Variants in ARHGAP15 observed in about 807,000 individuals in gnomAD.
The protein encoded by ARHGAP15 is rho GTPase-activating protein 15.
A neutral mutation model predicts 63.7 loss-of-function variants in ARHGAP15; 51 were observed. That is an observed-to-expected ratio of 0.80 (90% confidence interval 0.64 to 1.01). ARHGAP15 has a LOEUF of 1.01. ARHGAP15 is among the 50% of genes least tolerant of loss of function. The probability of loss-of-function intolerance (pLI) is 0.00; values close to 1 mark genes in which losing one functional copy is unlikely to be tolerated. For synonymous variants in ARHGAP15, 191 were observed against 193.8 expected (o/e 0.99, Z 0.12); for missense variants, 560 against 564.6 (o/e 0.99, Z 0.08).
At chr2:143,703,702 C>A in intron 13 of ARHGAP15, 178 bp downstream of exon 13, 1 of 499,742 alleles carries the variant, frequency 2.0e-6, no homozygotes, top group Admixed American at 4.0e-5. Context: ...GAAGGACAAT[C>A]TACAAAAGGA....
At position 143,198,891 on chromosome 2, in the gene ARHGAP15, A is replaced by G. The variant is rs571558949; in HGVS notation, c.166-3243A>G. ...TTTCCAGGAGAATTACTTTTGTCCT[A>G]AGAATGGGAATCTAGTTGGGTTTTA... On this transcript the variant is annotated intron_variant, in intron 2 of 13. Coordinates refer to ENST00000295095, the MANE Select transcript of ARHGAP15 (RefSeq NM_018460.4). Among the ~76,000 whole-genome samples, 5 of 152,280 alleles carry G rather than the reference A, an allele frequency of 3.3e-5. No homozygotes were observed. The South Asian group carries it at 8.3e-4, about 25-fold the overall frequency.
chr2:143,693,734 T>C (rs913283394), intron 12 of ARHGAP15, among the ~76,000 whole-genome samples: 2 of 152,230 alleles, frequency 1.3e-5, no homozygotes, highest in Non-Finnish European at 2.9e-5. Context: ...TAGTTAGGGA[T>C]AGAATCCAAG....
At chr2:143,468,680 G>GTGTC (rs1426953669) in intron 8 of ARHGAP15, among the ~76,000 whole-genome samples, 3 of 151,726 alleles carry the variant, frequency 2.0e-5, no homozygotes, top group African/African-American at 7.3e-5. Flanking sequence ...GTGTGTGTGT[G>GTGTC]TGTGTGTTGT....
At chr2:143,217,675 C>T (rs1314322075) in intron 4 of ARHGAP15, among the ~76,000 whole-genome samples, 1 of 152,154 alleles carries the variant, frequency 6.6e-6, no homozygotes, top group Non-Finnish European at 1.5e-5. Context: ...GAGTGCTCTC[C>T]TTTCCCCTAA....
intron 6 of ARHGAP15, among the ~76,000 whole-genome samples, chr2:143,336,899 G>A (rs963968950): frequency 1.3e-5 from 2 of 152,118 alleles, no homozygotes. Flanking sequence ...CCCTAGGCTG[G>A]AGACTGGGAA....
intron 12 of ARHGAP15, among the ~76,000 whole-genome samples, chr2:143,664,732 G>T (rs931484462): frequency 2.0e-5 from 3 of 152,054 alleles, no homozygotes; most frequent in African/African-American, 7.2e-5. Flanking sequence ...TGATAAAGGG[G>T]ATATCACCAC....
intron 2 of ARHGAP15, among the ~76,000 whole-genome samples, chr2:143,168,575 A>T (rs1690641091): frequency 6.7e-6 from 1 of 149,812 alleles, no homozygotes; most frequent in South Asian, 2.1e-4. Context: ...TTCTGTGGAA[A>T]AGGTGTTCTC....
intron 6 of ARHGAP15, among the ~76,000 whole-genome samples, chr2:143,396,479 T>C (rs1687763892): frequency 6.6e-6 from 1 of 152,046 alleles, no homozygotes; most frequent in Non-Finnish European, 1.5e-5. Flanking sequence ...AGTCAAGTGG[T>C]CCCCAGAGAC....
intron 11 of ARHGAP15, among the ~76,000 whole-genome samples, chr2:143,620,256 C>G (rs1445753864): frequency 2.0e-5 from 3 of 152,080 alleles, no homozygotes; most frequent in Admixed American, 6.6e-5. Context: ...AAATCCAGTC[C>G]TGGAGTGGGT....
chr2:143,698,288 TCATCATATA>T (rs1474019438), intron 12 of ARHGAP15, among the ~76,000 whole-genome samples: 1 of 152,144 alleles, frequency 6.6e-6, no homozygotes, highest in Non-Finnish European at 1.5e-5. Context: ...ACTTTTTCCA[TCATCATATA>T]CAGCTTTATC....
At chr2:143,553,887 TGCTAACTTCAAAATCAAGACATGCAC>T (rs1695677099) in intron 10 of ARHGAP15, among the ~76,000 whole-genome samples, 1 of 152,098 alleles carries the variant, frequency 6.6e-6, no homozygotes, top group Admixed American at 6.6e-5. Flanking sequence ...AAAGGAAGAG[TGCTAACTTCAAAATCAAGACATGCAC>T]TTGATTTTAC....
At chr2:143,693,171 T>C (rs1191111494) in intron 12 of ARHGAP15, among the ~76,000 whole-genome samples, 1 of 152,180 alleles carries the variant, frequency 6.6e-6, no homozygotes, top group African/African-American at 2.4e-5. Flanking sequence ...CCAGCACTCA[T>C]TTGCAAGAGA....
intron 12 of ARHGAP15, among the ~76,000 whole-genome samples, chr2:143,630,060 T>A (rs1279142675): frequency 1.3e-5 from 2 of 152,162 alleles, no homozygotes; most frequent in Admixed American, 1.3e-4. Flanking sequence ...CTATGTCATC[T>A]TATATAAGAC....
chr2:143,580,379 T>C (rs772699569), intron 11 of ARHGAP15, among the ~76,000 whole-genome samples: 1 of 152,156 alleles, frequency 6.6e-6, no homozygotes, highest in Non-Finnish European at 1.5e-5. Flanking sequence ...CACATCCAAT[T>C]ATTTCCAGCC....
intron 11 of ARHGAP15, among the ~76,000 whole-genome samples, chr2:143,612,611 G>C (rs936536309): frequency 6.6e-6 from 1 of 152,168 alleles, no homozygotes; most frequent in Non-Finnish European, 1.5e-5. Context: ...CAGAGGCGAG[G>C]CTCAGACACC....
intron 13 of ARHGAP15, among the ~76,000 whole-genome samples, chr2:143,705,932 T>C (rs1684306852): frequency 6.6e-6 from 1 of 152,204 alleles, no homozygotes; most frequent in African/African-American, 2.4e-5. Flanking sequence ...CCAGTTAATT[T>C]CCTAATCTTG....
intron 12 of ARHGAP15, among the ~76,000 whole-genome samples, chr2:143,629,600 T>G (rs1574732964): frequency 6.6e-6 from 1 of 152,198 alleles, no homozygotes; most frequent in South Asian, 2.1e-4. Flanking sequence ...CATCTTTTTC[T>G]TCTGGTAACT....
At chr2:143,657,989 C>T (rs1237729908) in intron 12 of ARHGAP15, among the ~76,000 whole-genome samples, 1 of 152,204 alleles carries the variant, frequency 6.6e-6, no homozygotes, top group African/African-American at 2.4e-5. Flanking sequence ...TTTTTGAAAA[C>T]ATCCCTATGC....
In ARHGAP15 at chr2:143,141,696, C is replaced by T. The variant is rs1574000486; in HGVS notation, c.-15+12230C>T. ...ATGTCTGACGATCCTCTTTCTAAAG[C>T]AGTAGTACAAATGCAAATGCAAATG... is the stretch of plus-strand genomic sequence containing the variant. On this transcript the variant is annotated intron_variant, in intron 1 of 13. Transcript: ENST00000295095. 2.0e-5 allele frequency among the ~76,000 whole-genome samples: 3 copies of T among 152,264 alleles called. No individual in the cohort carries two copies. The South Asian group carries it at 6.2e-4, about 32-fold the overall frequency.
Sources: gnomAD v4.1 joint callset for allele counts (sites outside exome capture counted in the v4.1 genomes callset) on GRCh38, gnomAD v4.1.1 for gene constraint, MANE v1.5 for transcripts, NCBI Gene and HGNC (gene_info 2026-07-23, HGNC 2026-07-21) for gene names.